Variants in AOAH observed in about 807,000 individuals in gnomAD.
The protein encoded by AOAH is acyloxyacyl hydrolase (neutrophil).
In AOAH, 64 loss-of-function variants were observed where a neutral mutation model predicts 92.2. The ratio of observed to expected loss-of-function variants is 0.69; its 90% CI spans 0.57 to 0.86. AOAH has a LOEUF of 0.86. Among genes scored for constraint, AOAH ranks in the 40% least tolerant of loss-of-function variants. AOAH has a pLI of 0.00. For missense variants in AOAH, 656 were observed against 694.6 expected, an observed-to-expected ratio of 0.94 and a Z score of 0.62; for synonymous variants, 263 against 254.5, an observed-to-expected ratio of 1.03 and a Z score of -0.32.
chr7:36,659,236 AC>A lies in AOAH; in HGVS notation c.319del (p.Val107TyrfsTer44). On this transcript the variant is annotated frameshift_variant, in exon 4 of 21. Coordinates refer to ENST00000617537, the MANE Select transcript of AOAH (RefSeq NM_001637.4). LOFTEE classifies it high-confidence loss of function. ...LLSADMNADV[V>X]CHTLEFCKQN... ...TTTACAAAACTCCAGAGTGTGACAT[AC>A]CACATCAGCATTCATATCTGCGCTA... 1 of 1,614,138 alleles carries A rather than the reference AC, an allele frequency of 6.2e-7. No homozygotes were observed. The highest frequency in any genetic ancestry group is 8.5e-7 in the Non-Finnish European group (1 of 1,179,966).
At chr7:36,673,410 G>A (rs1796045267) in intron 3 of AOAH, among the ~76,000 whole-genome samples, 1 of 54,018 alleles carries the variant, frequency 1.9e-5, no homozygotes, top group Non-Finnish European at 3.2e-5. Flanking sequence ...GGTGGCACAT[G>A]CCCGCCGTAA....
chr7:36,651,012 G>C (rs888669114), intron 4 of AOAH, among the ~76,000 whole-genome samples: 1 of 152,188 alleles, frequency 6.6e-6, no homozygotes, highest in South Asian at 2.1e-4. Flanking sequence ...TCTAGGGAAA[G>C]GGCCCAGCAC....
chr7:36,654,555 G>C (rs1010484960), intron 4 of AOAH, among the ~76,000 whole-genome samples: 1 of 152,106 alleles, frequency 6.6e-6, no homozygotes, highest in African/African-American at 2.4e-5. Flanking sequence ...CCAGATCTCT[G>C]TTGCTCTGCT....
At chr7:36,533,687 G>C (rs1034932028) in intron 16 of AOAH, among the ~76,000 whole-genome samples, 1 of 151,220 alleles carries the variant, frequency 6.6e-6, no homozygotes, top group Non-Finnish European at 1.5e-5. Flanking sequence ...GCGTGTGTGT[G>C]TGTGTGTGTG....
At chr7:36,566,547 C>T (rs573059189) in intron 13 of AOAH, among the ~76,000 whole-genome samples, 11 of 151,936 alleles carry the variant, frequency 7.2e-5, no homozygotes, top group Non-Finnish European at 1.2e-4. Flanking sequence ...GTGAGGCCTC[C>T]TGCCCCCAGG....
chr7:36,613,786 A>T (rs1233087064), intron 11 of AOAH, among the ~76,000 whole-genome samples: 1 of 152,142 alleles, frequency 6.6e-6, no homozygotes, highest in Non-Finnish European at 1.5e-5. Context: ...ATTTCCTCTC[A>T]ATTATTGTTG....
At chr7:36,526,957 A>G (rs1343975003) in intron 19 of AOAH, among the ~76,000 whole-genome samples, 1 of 152,230 alleles carries the variant, frequency 6.6e-6, no homozygotes, top group East Asian at 1.9e-4. Flanking sequence ...TGGGAAGTTG[A>G]GGGCAGCTGG....
intron 1 of AOAH, among the ~76,000 whole-genome samples, chr7:36,692,510 A>T (rs1170847075): frequency 6.6e-6 from 1 of 152,118 alleles, no homozygotes; most frequent in East Asian, 1.9e-4. Context: ...GTTGCCAAGA[A>T]CATTGTCAAC....
intron 19 of AOAH, among the ~76,000 whole-genome samples, chr7:36,525,544 T>C (rs1272559122): frequency 6.6e-6 from 1 of 152,164 alleles, no homozygotes; most frequent in Non-Finnish European, 1.5e-5. Context: ...GATAGATGTC[T>C]TCATGGAACA....
chr7:36,641,878 A>C (rs1415578339), intron 4 of AOAH, among the ~76,000 whole-genome samples: 1 of 152,152 alleles, frequency 6.6e-6, no homozygotes, highest in Non-Finnish European at 1.5e-5. Context: ...GCCCTTTCCC[A>C]GTCTCTGTTT....
chr7:36,513,094 A>G lies in AOAH; in HGVS notation c.*158T>C. ...AGCACACAGCATTGCACAGTCGTCCAGATATGCTCTTCATTGAGAGAAAGA... is the reference window on the plus strand; with the variant it reads ...AGCACACAGCATTGCACAGTCGTCCGGATATGCTCTTCATTGAGAGAAAGA... On this transcript the variant is annotated 3_prime_UTR_variant, in exon 21 of 21. Coordinates refer to ENST00000617537, the MANE Select transcript of AOAH (RefSeq NM_001637.4). 6.3e-7 allele frequency: 1 copy of G among 1,587,206 alleles called. No individual in the cohort carries two copies. The highest frequency in any genetic ancestry group is 8.5e-7 in the Non-Finnish European group (1 of 1,172,398).
In AOAH at chr7:36,514,824, G is replaced by A. The variant is rs1442635921; in HGVS notation, c.1600-1444C>T. The A allele has an allele frequency of 1.2e-5, 6 of 491,866 alleles. No individual in the cohort carries two copies. The Admixed American group carries it at 1.8e-4, about 14-fold the overall frequency. The allele number at this position is 491,866 out of a possible 1,614,324, so 30.5% of individuals were successfully genotyped here. On this transcript the variant is annotated intron_variant, in intron 20 of 20. Transcript: ENST00000617537. Reference sequence around the variant, plus strand: ...GCAGCGTAGCCAACTCCCTCTCTGGGCCCAGCCCTCTCATCTGGACATTGA... The same window carrying A: ...GCAGCGTAGCCAACTCCCTCTCTGGACCCAGCCCTCTCATCTGGACATTGA...
chr7:36,708,739 C>G (rs921410639), intron 1 of AOAH, among the ~76,000 whole-genome samples: 3 of 152,150 alleles, frequency 2.0e-5, no homozygotes, highest in African/African-American at 7.2e-5. Context: ...AACTGTGGAT[C>G]TGTTTACCCC....
At chr7:36,672,420 C>A (rs761362296) in intron 3 of AOAH, among the ~76,000 whole-genome samples, 2 of 152,204 alleles carry the variant, frequency 1.3e-5, no homozygotes, top group African/African-American at 2.4e-5. Context: ...GGCACATATA[C>A]ACCATGGAAT....
At chr7:36,550,610 T>G (rs1232370118) in intron 13 of AOAH, among the ~76,000 whole-genome samples, 1 of 152,164 alleles carries the variant, frequency 6.6e-6, no homozygotes, top group Non-Finnish European at 1.5e-5. Flanking sequence ...TGGACAGTGC[T>G]CCTCTAGGCT....
At position 36,522,169 on chromosome 7, in the gene AOAH, A is replaced by G. The variant is rs557528692; in HGVS notation, c.1523-54T>C. ...GACACACTTGCACAAGCAACGGCCA[A>G]TATCCAAGGACAAGGACGTGAGAAC... On this transcript the variant is annotated intron_variant, in intron 19 of 20. Transcript: ENST00000617537. The G allele has an allele frequency of 6.7e-5, 104 of 1,561,054 alleles. No individual in the cohort carries two copies. The African/African-American group carries it at 1.1e-3, about 17-fold the overall frequency.
At position 36,513,075 on chromosome 7, in the gene AOAH, C is replaced by G; in HGVS notation, c.*177G>C. ...AAGGGTTACTGATCCCGGGAGCACA[C>G]AGCATTGCACAGTCGTCCAGATATG... is the stretch of plus-strand genomic sequence containing the variant. On this transcript the variant is annotated 3_prime_UTR_variant, in exon 21 of 21. Coordinates refer to ENST00000617537, the MANE Select transcript of AOAH (RefSeq NM_001637.4). 6.4e-7 allele frequency: 1 copy of G among 1,561,544 alleles called. No homozygotes were observed. Among genetic ancestry groups the G allele is most frequent in the South Asian group, 1.2e-5 (1 of 86,896 alleles).
chr7:36,557,051 C>T (rs543709431), intron 13 of AOAH, among the ~76,000 whole-genome samples: 20 of 151,970 alleles, frequency 1.3e-4, no homozygotes, highest in African/African-American at 4.3e-4. Context: ...TTATTTTGCT[C>T]GTTAGTTGAT....
At chr7:36,523,951 T>G (rs190615379) in intron 19 of AOAH, among the ~76,000 whole-genome samples, 2,702 of 152,088 alleles carry the variant, frequency 0.018, 71 homozygotes, top group South Asian at 0.027. Context: ...CTTTGTCCCA[T>G]CTCTCCTTGC....
Sources: gnomAD v4.1 joint callset for allele counts (sites outside exome capture counted in the v4.1 genomes callset) on GRCh38, gnomAD v4.1.1 for gene constraint, MANE v1.5 for transcripts, NCBI Gene and HGNC (gene_info 2026-07-23, HGNC 2026-07-21) for gene names.